The following SEC31A variants were observed in gnomAD, a reference collection of about 807,000 sequenced individuals.
The protein encoded by SEC31A is SEC31 homolog A, COPII component.
Under a neutral mutation model 151.0 loss-of-function variants are expected in SEC31A, and 70 were observed. That is an observed-to-expected ratio of 0.46 (90% confidence interval 0.38 to 0.57). SEC31A has a LOEUF of 0.57. Ranked by LOEUF, SEC31A falls within the 20% of genes least tolerant of loss-of-function variation. The pLI is 0.00. For missense variants in SEC31A, 1,330 were observed against 1,471.2 expected (o/e 0.90, Z 1.57); for synonymous variants, 475 against 505.9 (o/e 0.94, Z 0.82).
chr4:82,869,425 C>T (rs1396755553), intron 8 of SEC31A, among the ~76,000 whole-genome samples: 2 of 152,036 alleles, frequency 1.3e-5, no homozygotes, highest in Non-Finnish European at 2.9e-5. Context: ...CCACTGCACC[C>T]GGCCAACAAA....
chr4:82,890,716 A>AT (rs758828480), intron 1 of SEC31A: 37 of 1,073,720 alleles, frequency 3.4e-5, no homozygotes, highest in Admixed American at 1.1e-4. Context: ...TAATCCTGAG[A>AT]TTTTTTTTCC....
intron 2 of SEC31A, 22 bp downstream of exon 2, chr4:82,881,836 A>G (rs745370204): frequency 6.3e-7 from 1 of 1,574,868 alleles, no homozygotes; most frequent in Non-Finnish European, 8.7e-7. Flanking sequence ...AACTCATACT[A>G]TCTTCTCTCC....
chr4:82,828,868 T>C (rs1202901693), intron 23 of SEC31A, 132 bp downstream of exon 23: 3 of 618,334 alleles, frequency 4.9e-6, no homozygotes, highest in Non-Finnish European at 2.9e-6. Context: ...AGGTGCATGT[T>C]GAAATACACT....
intron 1 of SEC31A, among the ~76,000 whole-genome samples, chr4:82,888,147 G>T (rs550659362): frequency 2.6e-5 from 4 of 151,240 alleles, no homozygotes; most frequent in African/African-American, 7.3e-5. Context: ...GGCCGAGGTG[G>T]GCAGATCACT....
At chr4:82,891,222 G>A (rs1025976332), upstream of SEC31A, 2 of 1,498,612 alleles carry the variant, frequency 1.3e-6, no homozygotes, top group African/African-American at 2.8e-5. Context: ...CGCAGCCGCA[G>A]CCACGCCCTG....
At chr4:82,880,742 G>A in intron 3 of SEC31A, 57 bp downstream of exon 3, 1 of 1,413,250 alleles carries the variant, frequency 7.1e-7, no homozygotes, top group Non-Finnish European at 9.7e-7. Context: ...GACAAATTAG[G>A]AATCAAGAAC....
Position 82,862,588 on chromosome 4 carries a change from C to G in SEC31A, c.1510-16G>C. On this transcript the variant is annotated splice_polypyrimidine_tract_variant and intron_variant, in intron 12 of 26. Transcript: ENST00000395310. ...CCAAAGCAATCTGAAATAAAAATAACAGCTCACCTACTACATGGAATTCTA... is the reference window on the plus strand; with the variant it reads ...CCAAAGCAATCTGAAATAAAAATAAGAGCTCACCTACTACATGGAATTCTA... 1 of 1,610,194 alleles carries G rather than the reference C, an allele frequency of 6.2e-7. No individual in the cohort carries two copies. Among genetic ancestry groups the G allele is most frequent in the East Asian group, 2.2e-5 (1 of 44,810 alleles).
intron 14 of SEC31A, among the ~76,000 whole-genome samples, chr4:82,860,740 G>T (rs1733950200): frequency 6.6e-6 from 1 of 152,058 alleles, no homozygotes; most frequent in South Asian, 2.1e-4. Context: ...CTCCCAAAGT[G>T]CTGGGATTAC....
intron 14 of SEC31A, among the ~76,000 whole-genome samples, chr4:82,860,193 C>T (rs772871238): frequency 3.9e-5 from 6 of 152,034 alleles, no homozygotes; most frequent in Non-Finnish European, 7.4e-5. Context: ...AAAAAATGCA[C>T]AATTTATTAG....
chr4:82,868,751 A>G (rs1350483547), intron 8 of SEC31A, among the ~76,000 whole-genome samples: 1 of 151,900 alleles, frequency 6.6e-6, no homozygotes. Flanking sequence ...GCTGGAGTGC[A>G]GTGGCGCAAT....
At chr4:82,900,126 TA>T (rs1720250977) in exon 2 of SEC31A, 1 of 152,282 alleles carries the variant, frequency 6.6e-6, no homozygotes, top group East Asian at 1.9e-4. Flanking sequence ...TTCCTTGAAT[TA>T]AAAGTCGGCG....
chr4:82,845,974 C>G (rs892073019), intron 20 of SEC31A, among the ~76,000 whole-genome samples: 3 of 152,144 alleles, frequency 2.0e-5, no homozygotes, highest in Middle Eastern at 3.4e-3. Context: ...GTTGCTTGCC[C>G]TAGAGGCCAT....
intron 1 of SEC31A, among the ~76,000 whole-genome samples, chr4:82,882,489 T>C (rs1252151854): frequency 2.0e-5 from 3 of 150,566 alleles, no homozygotes; most frequent in Non-Finnish European, 4.4e-5. Flanking sequence ...TTACAGATTA[T>C]AGTTCTTCAG....
In SEC31A at chr4:82,844,372, G is replaced by A; in HGVS notation, c.2626+14C>T. The stretch of plus-strand genomic sequence containing the variant: ...AATACTGCTCTGAAAGGACTTTGGG[G>A]TCACACTACTTACGCTGTGGCTGTG... On this transcript the variant is annotated intron_variant, in intron 21 of 26. Coordinates refer to ENST00000395310, the MANE Select transcript of SEC31A (RefSeq NM_001077207.4). The A allele has an allele frequency of 6.2e-7, 1 of 1,611,326 alleles. No homozygotes were observed. Among genetic ancestry groups the A allele is most frequent in the Non-Finnish European group, 8.5e-7 (1 of 1,178,996 alleles).
At chr4:82,824,468 G>C (rs1029907352) in intron 25 of SEC31A, 87 bp downstream of exon 25, 2 of 1,436,674 alleles carry the variant, frequency 1.4e-6, no homozygotes, top group African/African-American at 1.4e-5. Flanking sequence ...GCCTCCCAAA[G>C]TGCTGGGATT....
chr4:82,855,970 T>C (rs1321088736), intron 16 of SEC31A, among the ~76,000 whole-genome samples: 1 of 152,222 alleles, frequency 6.6e-6, no homozygotes, highest in African/African-American at 2.4e-5. Flanking sequence ...TCCTCTTCTA[T>C]GACTACAGTT....
intron 8 of SEC31A, 65 bp from the exon 9 acceptor site, chr4:82,867,381 C>A: frequency 7.3e-7 from 1 of 1,376,166 alleles, no homozygotes; most frequent in Non-Finnish European, 1.0e-6. Flanking sequence ...AACCAAAACA[C>A]CTGAATTAAT....
intron 1 of SEC31A, among the ~76,000 whole-genome samples, chr4:82,888,386 A>ATATATATATATATGCG (rs1553938450): frequency 5.1e-5 from 2 of 39,362 alleles, no homozygotes; most frequent in South Asian, 1.4e-3. Flanking sequence ...CACAAAAAAC[A>ATATATATATATATGCG]TATATATATA....
upstream of SEC31A, chr4:82,891,215 A>G: frequency 6.6e-7 from 1 of 1,514,892 alleles, no homozygotes; most frequent in Non-Finnish European, 8.8e-7. Flanking sequence ...TGGCAGCCGC[A>G]GCCGCAGCCA....
Sources: gnomAD v4.1 joint callset for allele counts (sites outside exome capture counted in the v4.1 genomes callset) on GRCh38, gnomAD v4.1.1 for gene constraint, MANE v1.5 for transcripts, NCBI Gene and HGNC (gene_info 2026-07-23, HGNC 2026-07-21) for gene names.